Variants in CSMD3 observed in about 807,000 individuals in gnomAD.
CSMD3 encodes the protein CUB and sushi domain-containing protein 3.
Under a neutral mutation model 435.2 loss-of-function variants are expected in CSMD3, and 177 were observed. That is an observed-to-expected ratio of 0.41 (90% CI 0.36 to 0.46). The LOEUF is 0.46. Ranked by LOEUF, CSMD3 falls within the 20% of genes least tolerant of loss-of-function variation. The pLI is 0.34. For synonymous variants in CSMD3, 1,656 were observed against 1,520.5 expected (o/e 1.09, Z -2.07); for missense variants, 4,265 against 4,504.6 (o/e 0.95, Z 1.52).
chr8:112,997,569 A>C (rs1039425273), intron 6 of CSMD3, among the ~76,000 whole-genome samples: 2 of 151,640 alleles, frequency 1.3e-5, no homozygotes, highest in African/African-American at 4.8e-5. Flanking sequence ...AGAATAAATA[A>C]AGGTGAGAAT....
chr8:112,585,959 T>C (rs1409789965), intron 23 of CSMD3, among the ~76,000 whole-genome samples: 4 of 151,618 alleles, frequency 2.6e-5, no homozygotes, highest in Non-Finnish European at 4.4e-5. Flanking sequence ...GAGTTTTACA[T>C]AGTGAATTTT....
In CSMD3 at chr8:112,982,424, A is replaced by G. The variant is rs555275744; in HGVS notation, c.1031-6276T>C. The stretch of plus-strand genomic sequence containing the variant: ...CTACATCTTTGTACAACCATCAACC[A>G]GAATCCTGAATCTTTAGATCTTTTT... On this transcript the variant is annotated intron_variant, in intron 6 of 70. Transcript: ENST00000297405. Among the ~76,000 whole-genome samples the G allele has an allele frequency of 1.2e-3, 186 of 152,068 alleles. 1 individual carries two copies. Among genetic ancestry groups the G allele is most frequent in the Non-Finnish European group, 2.2e-3 (147 of 67,878 alleles).
chr8:112,666,274 G>A lies in CSMD3; in HGVS notation c.2816+3C>T, dbSNP rs1225059385. ...TTAAAAGTAGGAAAAATATTTGTGA[G>A]ACCTTTCAAATGTAATTTTGATAGA... On this transcript the variant is annotated splice_donor_region_variant and intron_variant, in intron 17 of 70. Transcript: ENST00000297405. 7.5e-6 allele frequency: 12 copies of A among 1,605,314 alleles called. No individual in the cohort carries two copies. The highest frequency in any genetic ancestry group is 5.4e-5 in the African/African-American group (4 of 74,688).
chr8:112,696,886 A>G (rs1354444026), intron 13 of CSMD3, among the ~76,000 whole-genome samples: 1 of 151,668 alleles, frequency 6.6e-6, no homozygotes, highest in Non-Finnish European at 1.5e-5. Context: ...CAAGAAAAAA[A>G]CAAACAACCC....
intron 10 of CSMD3, among the ~76,000 whole-genome samples, chr8:112,916,497 A>C (rs976302939): frequency 6.6e-6 from 1 of 151,466 alleles, no homozygotes; most frequent in African/African-American, 2.4e-5. Context: ...AATGTGTGAT[A>C]AACTTCCATA....
intron 10 of CSMD3, among the ~76,000 whole-genome samples, chr8:112,888,035 C>T (rs1160177306): frequency 2.6e-5 from 4 of 151,564 alleles, no homozygotes; most frequent in African/African-American, 9.7e-5. Context: ...GAAACAACAA[C>T]AAAAATAACA....
At chr8:112,712,582 G>A (rs1230148993) in intron 13 of CSMD3, among the ~76,000 whole-genome samples, 1 of 152,082 alleles carries the variant, frequency 6.6e-6, no homozygotes, top group Non-Finnish European at 1.5e-5. Flanking sequence ...TCCTTGGACT[G>A]ATGAGTTGTC....
chr8:112,921,610 T>A lies in CSMD3; in HGVS notation c.1633+17A>T. The A allele has an allele frequency of 6.2e-7, 1 of 1,606,124 alleles. No individual in the cohort carries two copies. Among genetic ancestry groups the A allele is most frequent in the Non-Finnish European group, 8.5e-7 (1 of 1,173,162 alleles). On this transcript the variant is annotated intron_variant, in intron 10 of 70. Coordinates refer to ENST00000297405, the MANE Select transcript of CSMD3 (RefSeq NM_198123.2). ...ACTATTAAAATGTGTTCAGAGGGCA[T>A]TATTATAAAACATTACCTTTACACA...
At chr8:113,035,006 T>G (rs973479317) in intron 5 of CSMD3, among the ~76,000 whole-genome samples, 19 of 151,888 alleles carry the variant, frequency 1.3e-4, no homozygotes, top group African/African-American at 4.6e-4. Flanking sequence ...TAACAGCACA[T>G]AGAAAAACTT....
At chr8:112,387,253 C>T (rs1182805967) in intron 36 of CSMD3, among the ~76,000 whole-genome samples, 2 of 152,096 alleles carry the variant, frequency 1.3e-5, no homozygotes, top group Non-Finnish European at 2.9e-5. Flanking sequence ...TGTAATTTTT[C>T]AGCATTCCAT....
In CSMD3 at chr8:112,909,162, A is replaced by T. The variant is rs575626420; in HGVS notation, c.1633+12465T>A. On this transcript the variant is annotated intron_variant, in intron 10 of 70. Transcript: ENST00000297405. Reference sequence around the variant, plus strand: ...ATACTTGTAAATCCTACTAAATATGAATATTTATCATTCAAACACTGAAAT... The same window carrying T: ...ATACTTGTAAATCCTACTAAATATGTATATTTATCATTCAAACACTGAAAT... 2.0e-5 allele frequency among the ~76,000 whole-genome samples: 3 copies of T among 151,716 alleles called. No homozygotes were observed. The East Asian group carries it at 5.9e-4, about 30-fold the overall frequency.
chr8:112,441,636 C>T (rs1488585310), intron 32 of CSMD3, among the ~76,000 whole-genome samples: 2 of 152,160 alleles, frequency 1.3e-5, no homozygotes, highest in Non-Finnish European at 2.9e-5. Context: ...TTCAGCATGG[C>T]TTGGGAAGCT....
intron 1 of CSMD3, among the ~76,000 whole-genome samples, chr8:113,387,485 T>C (rs142344507): frequency 2.8e-3 from 431 of 151,836 alleles, no homozygotes; most frequent in African/African-American, 8.7e-3. Context: ...ATCCATACTT[T>C]CGAAGTATTC....
At chr8:112,294,090 G>A (rs563712465) in intron 54 of CSMD3, among the ~76,000 whole-genome samples, 1 of 151,804 alleles carries the variant, frequency 6.6e-6, no homozygotes, top group African/African-American at 2.4e-5. Flanking sequence ...AATTTGCTTG[G>A]GGGGGGTGTA....
At chr8:113,159,561 T>C (rs745876127) in intron 4 of CSMD3, among the ~76,000 whole-genome samples, 3 of 152,018 alleles carry the variant, frequency 2.0e-5, no homozygotes, top group Non-Finnish European at 4.4e-5. Context: ...TTTGTCAGGT[T>C]ATTACCGTGT....
At chr8:112,877,254 A>C (rs2130138328) in intron 10 of CSMD3, among the ~76,000 whole-genome samples, 1 of 151,964 alleles carries the variant, frequency 6.6e-6, no homozygotes, top group Non-Finnish European at 1.5e-5. Context: ...ATTAAAAAAA[A>C]CTACTTTAAA....
chr8:112,750,299 C>A lies in CSMD3; in HGVS notation c.1972+49863G>T, dbSNP rs1177312094. Among the ~76,000 whole-genome samples the A allele has an allele frequency of 4.6e-5, 7 of 151,214 alleles. No individual in the cohort carries two copies. In the East Asian group the frequency reaches 7.7e-4, roughly 17 times the overall value. On this transcript the variant is annotated intron_variant, in intron 13 of 70. Transcript: ENST00000297405. ...TTGTATAAAATGTATAATTTTATAA[C>A]TAATTTTATAAGTATAATTCCATAA...
At chr8:112,893,710 T>C (rs1180687113) in intron 10 of CSMD3, among the ~76,000 whole-genome samples, 2 of 151,580 alleles carry the variant, frequency 1.3e-5, no homozygotes, top group East Asian at 3.9e-4. Flanking sequence ...GATAATACGG[T>C]TTTATTTCTA....
At chr8:113,412,097 T>C (rs2094562285) in intron 1 of CSMD3, among the ~76,000 whole-genome samples, 1 of 152,110 alleles carries the variant, frequency 6.6e-6, no homozygotes, top group Admixed American at 6.5e-5. Context: ...AAGTAAAACC[T>C]GTAGAGTGTT....
Sources: gnomAD v4.1 joint callset for allele counts (sites outside exome capture counted in the v4.1 genomes callset) on GRCh38, gnomAD v4.1.1 for gene constraint, MANE v1.5 for transcripts, NCBI Gene and HGNC (gene_info 2026-07-23, HGNC 2026-07-21) for gene names.